The following CLSTN1 variants were observed in gnomAD, a reference collection of about 807,000 sequenced individuals.
The protein encoded by CLSTN1 is calsyntenin 1.
A neutral mutation model predicts 108.3 loss-of-function variants in CLSTN1; 28 were observed. That is an observed-to-expected ratio of 0.26 (90% CI 0.19 to 0.35). The LOEUF (loss-of-function observed/expected upper bound fraction) is 0.35. CLSTN1 is among the 10% of genes least tolerant of loss of function. The pLI is 1.00. For synonymous variants in CLSTN1, 524 were observed against 534.9 expected, an observed-to-expected ratio of 0.98 and a Z score of 0.28; for missense variants, 1,157 against 1,302.6, an observed-to-expected ratio of 0.89 and a Z score of 1.72.
intron 1 of CLSTN1, among the ~76,000 whole-genome samples, chr1:9,809,752 T>C (rs1654649153): frequency 6.6e-6 from 1 of 151,318 alleles, no homozygotes. Flanking sequence ...AATACAAAAA[T>C]CAGCCGGGCG....
Position 9,744,489 on chromosome 1 carries a change from G to A in CLSTN1, c.1140C>T (p.Val380=). ...AGATGGTGAACGGCTCTTTGGGGCT[G>A]ACCGACACGACGCCATCCGGGATCC... The part of the protein sequence containing the change: ...AVRIPDGVVS[V]SPKEPFTISV... Residue 380 remains valine, a synonymous_variant, in exon 8 of 19, where the codon GTC becomes GTT. Coordinates refer to ENST00000377298, the MANE Select transcript of CLSTN1 (RefSeq NM_001009566.3). The A allele has an allele frequency of 6.2e-7, 1 of 1,611,884 alleles. No homozygotes were observed. Among genetic ancestry groups the A allele is most frequent in the Non-Finnish European group, 8.5e-7 (1 of 1,179,876 alleles).
intron 1 of CLSTN1, among the ~76,000 whole-genome samples, chr1:9,775,007 G>A (rs920578117): frequency 3.3e-5 from 5 of 152,054 alleles, no homozygotes; most frequent in African/African-American, 1.2e-4. Flanking sequence ...GGTGCTGGTG[G>A]GTCTCTTAGC....
In CLSTN1 at chr1:9,729,340, G is replaced by GT. The variant is rs1367784110; in HGVS notation, c.*1167dup. The stretch of plus-strand genomic sequence containing the variant: ...GCTATGTGGGTTTTAGACCATGACT[G>GT]TTTGTTTGCTCTCCTGCCCTACCAC... On this transcript the variant is annotated 3_prime_UTR_variant, in exon 19 of 19. Coordinates refer to ENST00000377298, the MANE Select transcript of CLSTN1 (RefSeq NM_001009566.3). The GT allele has an allele frequency of 6.6e-6, 1 of 152,350 alleles. No individual in the cohort carries two copies. The highest frequency in any genetic ancestry group is 1.5e-5 in the Non-Finnish European group (1 of 67,836). The allele number at this position is 152,350 out of a possible 1,614,324, so 9.4% of individuals were successfully genotyped here.
intron 1 of CLSTN1, among the ~76,000 whole-genome samples, chr1:9,811,454 G>C (rs1233931396): frequency 6.6e-6 from 1 of 152,048 alleles, no homozygotes; most frequent in African/African-American, 2.4e-5. Flanking sequence ...GGTATCAATG[G>C]ATATTTACAG....
At chr1:9,804,338 G>A (rs1654413230) in intron 1 of CLSTN1, among the ~76,000 whole-genome samples, 1 of 145,336 alleles carries the variant, frequency 6.9e-6, no homozygotes, top group Non-Finnish European at 1.5e-5. Flanking sequence ...ACTCCAGCCT[G>A]GCGACAGAGA....
At chr1:9,789,085 C>A (rs1450719749) in intron 1 of CLSTN1, among the ~76,000 whole-genome samples, 1 of 151,432 alleles carries the variant, frequency 6.6e-6, no homozygotes, top group Non-Finnish European at 1.5e-5. Flanking sequence ...GGTTAACAGA[C>A]GCTGGGTTGC....
intron 2 of CLSTN1, among the ~76,000 whole-genome samples, chr1:9,772,038 G>A (rs1398342407): frequency 2.7e-5 from 4 of 148,302 alleles, no homozygotes; most frequent in South Asian, 2.1e-4. Flanking sequence ...GTGCAGTGGC[G>A]CGATCTCGGC....
chr1:9,802,257 G>C (rs1388475514), intron 1 of CLSTN1, among the ~76,000 whole-genome samples: 13 of 152,172 alleles, frequency 8.5e-5, no homozygotes, highest in Non-Finnish European at 1.5e-5. Context: ...GACAAGGAAT[G>C]CTTCCCTCCA....
chr1:9,818,775 CTCTTTTTTT>C (rs1655080943), intron 1 of CLSTN1, among the ~76,000 whole-genome samples: 2 of 138,826 alleles, frequency 1.4e-5, no homozygotes, highest in African/African-American at 5.5e-5. Context: ...CTTCAAGCAA[CTCTTTTTTT>C]TTTTTTTTTT....
At chr1:9,819,806 A>G (rs1365971769) in intron 1 of CLSTN1, among the ~76,000 whole-genome samples, 4 of 152,334 alleles carry the variant, frequency 2.6e-5, no homozygotes, top group South Asian at 2.1e-4. Flanking sequence ...ATGTTAGACT[A>G]TGGGTAATAC....
intron 1 of CLSTN1, among the ~76,000 whole-genome samples, chr1:9,821,836 T>G (rs535430313): frequency 9.8e-5 from 15 of 152,300 alleles, no homozygotes; most frequent in Non-Finnish European, 1.9e-4. Context: ...TTCCGAAGAC[T>G]AAGAATCTTG....
intron 1 of CLSTN1, among the ~76,000 whole-genome samples, chr1:9,786,648 CAAAAAAAAAAAAAAAA>C (rs36003203): frequency 2.7e-5 from 1 of 37,094 alleles, no homozygotes; most frequent in African/African-American, 8.1e-5. Flanking sequence ...GACTCCGTCT[CAAAAAAAAAAAAAAAA>C]AAAAAAAAAC....
chr1:9,805,736 G>A (rs979549204), intron 1 of CLSTN1, among the ~76,000 whole-genome samples: 2 of 151,536 alleles, frequency 1.3e-5, no homozygotes, highest in Non-Finnish European at 2.9e-5. Flanking sequence ...GTGTGGTGGT[G>A]CGCGCCTATA....
At chr1:9,756,841 T>A (rs556146781) in intron 2 of CLSTN1, among the ~76,000 whole-genome samples, 15 of 152,198 alleles carry the variant, frequency 9.9e-5, no homozygotes, top group African/African-American at 3.6e-4. Context: ...AATGCAGTGG[T>A]GCTATCTCGG....
chr1:9,771,350 T>G (rs908920642), intron 2 of CLSTN1, among the ~76,000 whole-genome samples: 3 of 152,126 alleles, frequency 2.0e-5, no homozygotes, highest in Non-Finnish European at 2.9e-5. Context: ...GCATGGTGGC[T>G]TAAGCCTGTA....
chr1:9,767,360 C>T (rs761273786), intron 2 of CLSTN1, among the ~76,000 whole-genome samples: 4 of 152,010 alleles, frequency 2.6e-5, no homozygotes, highest in African/African-American at 7.2e-5. Context: ...CTGGGGAACA[C>T]GGTAAAACCC....
intron 1 of CLSTN1, among the ~76,000 whole-genome samples, chr1:9,819,935 CA>C (rs894098206): frequency 5.3e-5 from 8 of 152,026 alleles, no homozygotes; most frequent in African/African-American, 1.7e-4. Flanking sequence ...AAGGGACTAA[CA>C]GGGGTAGCCA....
chr1:9,762,260 G>A (rs1417295558), intron 2 of CLSTN1, among the ~76,000 whole-genome samples: 2 of 152,054 alleles, frequency 1.3e-5, no homozygotes, highest in African/African-American at 4.8e-5. Flanking sequence ...TCAGGAGTTC[G>A]AGACCAGCCT....
chr1:9,803,570 A>G (rs1654378226), intron 1 of CLSTN1, among the ~76,000 whole-genome samples: 1 of 152,186 alleles, frequency 6.6e-6, no homozygotes, highest in Non-Finnish European at 1.5e-5. Context: ...TGGGAGGCCA[A>G]TGTGGGCAGA....
Sources: allele counts gnomAD v4.1 joint callset (sites outside exome capture counted in the v4.1 genomes callset), GRCh38; gene constraint gnomAD v4.1.1; transcripts MANE v1.5; gene names NCBI Gene and HGNC (gene_info 2026-07-23, HGNC 2026-07-21).